Variants in UGT1A7 observed in about 807,000 individuals in gnomAD.
UGT1A7 encodes UDP-glucuronosyltransferase 1A7.
Under a neutral mutation model 45.6 loss-of-function variants are expected in UGT1A7, and 33 were observed. That is an observed-to-expected ratio of 0.72 (90% CI 0.55 to 0.97). The LOEUF (loss-of-function observed/expected upper bound fraction) is 0.97, where lower values mean the gene tolerates loss of function less well. Ranked by LOEUF, UGT1A7 falls within the 50% of genes least tolerant of loss-of-function variation. The pLI is 0.00. For missense variants in UGT1A7, 684 were observed against 666.2 expected, an observed-to-expected ratio of 1.03 and a Z score of -0.29; for synonymous variants, 274 against 250.6, an observed-to-expected ratio of 1.09 and a Z score of -0.88.
chr2:233,713,818 T>C lies in UGT1A7; in HGVS notation c.855+31026T>C, dbSNP rs147668404. 307 of 1,614,106 alleles carry C rather than the reference T, an allele frequency of 1.9e-4. 1 individual carries two copies. The highest frequency in any genetic ancestry group is 2.1e-4 in the Non-Finnish European group (243 of 1,179,982). On this transcript the variant is annotated intron_variant, in intron 1 of 4. Transcript: ENST00000373426. ...CCGATCATGCCCAACATGGTCTTCA[T>C]TGGGGGCATCAACTGTGCCAACGGG...
At chr2:233,721,058 T>A (rs1412499467) in intron 1 of UGT1A7, among the ~76,000 whole-genome samples, 2 of 152,122 alleles carry the variant, frequency 1.3e-5, no homozygotes, top group African/African-American at 4.8e-5. Flanking sequence ...TTTGTCATAT[T>A]CACTGAATTT....
intron 1 of UGT1A7, among the ~76,000 whole-genome samples, chr2:233,756,700 T>C (rs1696300397): frequency 6.6e-6 from 1 of 152,160 alleles, no homozygotes; most frequent in Non-Finnish European, 1.5e-5. Flanking sequence ...CGATGAATTT[T>C]GGGGGGACTT....
rs3213726 is a variant in UGT1A7, at chr2:233,766,877, C to A, written c.856-157C>A. ...GAAGGAAGTAAAGGAGAGGAAAATG[C>A]TGTAAAACTTACATATTAATAATTT... On this transcript the variant is annotated intron_variant, in intron 1 of 4. Coordinates refer to ENST00000373426, the MANE Select transcript of UGT1A7 (RefSeq NM_019077.3). Among the ~76,000 whole-genome samples, 50 of 152,336 alleles carry A rather than the reference C, an allele frequency of 3.3e-4. No homozygotes were observed. The East Asian group carries it at 9.2e-3, about 28-fold the overall frequency.
At chr2:233,714,498 TA>T (rs1254150300) in intron 1 of UGT1A7, among the ~76,000 whole-genome samples, 1 of 152,156 alleles carries the variant, frequency 6.6e-6, no homozygotes, top group Non-Finnish European at 1.5e-5. Flanking sequence ...AGACACTACT[TA>T]AAAAAAATTC....
chr2:233,691,450 C>T, intron 1 of UGT1A7: 2 of 985,704 alleles, frequency 2.0e-6, no homozygotes, highest in Non-Finnish European at 2.4e-6. Flanking sequence ...TTCTCCCTTC[C>T]TGGGCCCCAG....
At chr2:233,760,382 T>G (rs1697426202) in intron 1 of UGT1A7, 1 of 1,614,082 alleles carries the variant, frequency 6.2e-7, no homozygotes, top group African/African-American at 1.3e-5. Context: ...AAGATACTGT[T>G]GATCCCAGTG....
chr2:233,695,778 T>A (rs2075306638), intron 1 of UGT1A7, among the ~76,000 whole-genome samples: 1 of 152,202 alleles, frequency 6.6e-6, no homozygotes, highest in African/African-American at 2.4e-5. Context: ...CTGAATAATT[T>A]TCCATTCTGT....
chr2:233,713,312 G>T (rs1406114434), intron 1 of UGT1A7: 8 of 1,614,228 alleles, frequency 5.0e-6, no homozygotes, highest in Non-Finnish European at 6.8e-6. Flanking sequence ...AACATCTTCT[G>T]ATGAAATTTT....
chr2:233,726,176 A>G (rs540012299), intron 1 of UGT1A7, among the ~76,000 whole-genome samples: 204 of 152,304 alleles, frequency 1.3e-3, no homozygotes, highest in African/African-American at 4.7e-3. Context: ...AAAAAAATAA[A>G]AATTTCTTTG....
chr2:233,706,240 T>C (rs2125603335), intron 1 of UGT1A7, among the ~76,000 whole-genome samples: 1 of 151,882 alleles, frequency 6.6e-6, no homozygotes, highest in East Asian at 1.9e-4. Context: ...GCTGGGAGAG[T>C]GAGAGAACCA....
intron 1 of UGT1A7, among the ~76,000 whole-genome samples, chr2:233,751,217 A>G (rs1417978582): frequency 6.6e-6 from 1 of 151,982 alleles, no homozygotes; most frequent in East Asian, 1.9e-4. Context: ...TTTAAGATTT[A>G]ATGACTGCCC....
In UGT1A7 at chr2:233,767,087, T is replaced by A; in HGVS notation, c.909T>A (p.Ser303=). 1 of 1,614,180 alleles carries A rather than the reference T, an allele frequency of 6.2e-7. No homozygotes were observed. The highest frequency in any genetic ancestry group is 8.5e-7 in the Non-Finnish European group (1 of 1,180,034). The change falls in exon 2 of 5, where the codon TCT becomes TCA. Residue 303 remains serine, a synonymous_variant. Coordinates refer to ENST00000373426, the MANE Select transcript of UGT1A7 (RefSeq NM_019077.3). ...GAGAACATGGAATTGTGGTTTTCTC[T>A]TTGGGATCAATGGTCTCAGAAATTC... is the stretch of plus-strand genomic sequence containing the variant. The part of the protein sequence containing the change: ...ASGEHGIVVF[S]LGSMVSEIPE...
In UGT1A7 at chr2:233,723,736, A is replaced by ACGAG. The variant is rs2077123858; in HGVS notation, c.855+40946_855+40949dup. 4.0e-5 allele frequency among the ~76,000 whole-genome samples: 3 copies of ACGAG among 75,838 alleles called. No homozygotes were observed. The South Asian group carries it at 1.9e-3, about 47-fold the overall frequency. 49.8% of individuals were successfully genotyped at this position (75,838 alleles called of 152,430 possible). ...GATTAGGGATTGGTGATGACTCTTA[A>ACGAG]CGAGCATGCTGCCTTCAAGCATCTG... On this transcript the variant is annotated intron_variant, in intron 1 of 4. Transcript: ENST00000373426.
At chr2:233,722,847 T>TATGAAGACACTACTTAAAAAA (rs1484611213) in intron 1 of UGT1A7, among the ~76,000 whole-genome samples, 1 of 139,226 alleles carries the variant, frequency 7.2e-6, no homozygotes, top group Non-Finnish European at 1.5e-5. Context: ...GAATGTTTCT[T>TATGAAGACACTACTTAAAAAA]TTTTTTTTTT....
intron 1 of UGT1A7, among the ~76,000 whole-genome samples, chr2:233,720,605 A>C (rs1246290812): frequency 6.6e-6 from 1 of 152,152 alleles, no homozygotes; most frequent in Non-Finnish European, 1.5e-5. Context: ...TTTCATTAAT[A>C]CAGAATATTT....
In UGT1A7 at chr2:233,746,936, G is replaced by T. The variant is rs185798867; in HGVS notation, c.856-20098G>T. 1.2e-3 allele frequency among the ~76,000 whole-genome samples: 184 copies of T among 151,904 alleles called. 4 individuals carry two copies. Among genetic ancestry groups the T allele is most frequent in the African/African-American group, 4.2e-3 (172 of 41,190 alleles). ...TTCCACAGGCCTTTGTTGGGAATTGGATGAGAAACAAGAGCTTGAACTTGG... is the reference window on the plus strand; with the variant it reads ...TTCCACAGGCCTTTGTTGGGAATTGTATGAGAAACAAGAGCTTGAACTTGG... On this transcript the variant is annotated intron_variant, in intron 1 of 4. Transcript: ENST00000373426.
intron 1 of UGT1A7, among the ~76,000 whole-genome samples, chr2:233,699,432 C>T (rs1270812832): frequency 6.6e-6 from 1 of 152,144 alleles, no homozygotes; most frequent in Admixed American, 6.5e-5. Context: ...TTAGAAGGGT[C>T]ATTGGAGTGT....
At chr2:233,755,290 G>C in intron 1 of UGT1A7, 1 of 652,954 alleles carries the variant, frequency 1.5e-6, no homozygotes, top group Admixed American at 2.9e-5. Context: ...CAAAGAGCCT[G>C]CGGGGCACTG....
At chr2:233,766,358 C>G (rs1222221070) in intron 1 of UGT1A7, among the ~76,000 whole-genome samples, 1 of 152,148 alleles carries the variant, frequency 6.6e-6, no homozygotes, top group Non-Finnish European at 1.5e-5. Context: ...CTGCCGGTGC[C>G]TGTTGGTGAG....
Sources: allele counts gnomAD v4.1 joint callset (sites outside exome capture counted in the v4.1 genomes callset), GRCh38; gene constraint gnomAD v4.1.1; transcripts MANE v1.5; gene names NCBI Gene and HGNC (gene_info 2026-07-23, HGNC 2026-07-21).